The following CNGA3 variants were observed in gnomAD, a reference collection of about 807,000 sequenced individuals.
The protein encoded by CNGA3 is cyclic nucleotide gated channel subunit alpha 3.
CNGA3 carries 42 observed loss-of-function variants against 46.6 expected under a neutral mutation model. The ratio of observed to expected loss-of-function variants is 0.90; its 90% CI spans 0.70 to 1.17. The LOEUF is 1.17. Among genes scored for constraint, CNGA3 ranks in the 50% most tolerant of loss-of-function variants. The probability of loss-of-function intolerance (pLI) is 0.00; values close to 1 mark genes in which losing one functional copy is unlikely to be tolerated. For synonymous variants in CNGA3, 394 were observed against 369.4 expected (o/e 1.07, Z -0.76); for missense variants, 893 against 890.7 (o/e 1.00, Z -0.03).
chr2:98,396,703 G>T lies in CNGA3; in HGVS notation c.1533G>T (p.Lys511Asn). ...TVFSPGDYIC[K>N]KGDIGKEMYI... Reference sequence around the variant, plus strand: ...TCAGCCCTGGGGATTATATCTGCAAGAAGGGAGATATTGGGAAGGAGATGT... The same window carrying T: ...TCAGCCCTGGGGATTATATCTGCAATAAGGGAGATATTGGGAAGGAGATGT... Residue 511 changes from lysine to asparagine, a missense_variant, in exon 8 of 8, where the codon AAG becomes AAT. Physicochemically the swap from Lys to Asn is moderately conservative, Grantham distance 94 (BLOSUM62 0). Transcript: ENST00000272602. 1 of 1,614,214 alleles carries T rather than the reference G, an allele frequency of 6.2e-7. No individual in the cohort carries two copies. Among genetic ancestry groups the T allele is most frequent in the South Asian group, 1.1e-5 (1 of 91,078 alleles).
At chr2:98,375,303 T>C (rs983983771) in intron 2 of CNGA3, among the ~76,000 whole-genome samples, 3 of 152,246 alleles carry the variant, frequency 2.0e-5, no homozygotes, top group Non-Finnish European at 2.9e-5. Flanking sequence ...GCTTGGTGCC[T>C]AGAGCTCCCT....
At chr2:98,372,904 G>C (rs1692319862) in intron 2 of CNGA3, among the ~76,000 whole-genome samples, 1 of 152,124 alleles carries the variant, frequency 6.6e-6, no homozygotes, top group African/African-American at 2.4e-5. Context: ...ACTCCACTCA[G>C]GTCTCGGCCC....
At chr2:98,378,176 A>G (rs1355791808) in intron 3 of CNGA3, 10 of 1,550,524 alleles carry the variant, frequency 6.4e-6, no homozygotes, top group Non-Finnish European at 8.7e-6. Flanking sequence ...TGAGTCTGAA[A>G]TGGCTCTGGC....
At position 98,396,458 on chromosome 2, in the gene CNGA3, A is replaced by C; in HGVS notation, c.1288A>C (p.Thr430Pro). 2.5e-6 allele frequency: 4 copies of C among 1,613,962 alleles called. No homozygotes were observed. The highest frequency in any genetic ancestry group is 3.3e-4 in the Middle Eastern group (2 of 6,062). The change falls in exon 8 of 8, where the codon ACC (threonine) becomes CCC (proline). Residue 430 changes from threonine (T) to proline (P), a missense_variant. This residue lies in a region of CNGA3 where 548 missense variants were observed against 570.8 expected (regional missense o/e 0.96). Transcript: ENST00000272602. ...IKQYMQFRKV[T>P]KDLETRVIRW... ...GCAGTACATGCAGTTCCGCAAGGTC[A>C]CCAAGGACTTGGAGACGCGGGTTAT... is the stretch of plus-strand genomic sequence containing the variant.
chr2:98,378,335 C>A, intron 3 of CNGA3: 2 of 1,077,318 alleles, frequency 1.9e-6, no homozygotes, highest in Non-Finnish European at 2.6e-6. Context: ...CTGAGGAAGT[C>A]ATTTCACCTT....
chr2:98,384,636 T>C (rs986211314), intron 5 of CNGA3, among the ~76,000 whole-genome samples: 5 of 152,236 alleles, frequency 3.3e-5, no homozygotes, highest in African/African-American at 9.6e-5. Context: ...TATAGTGATA[T>C]GTGTTTGACT....
rs1411155736 is a variant in CNGA3, at chr2:98,380,254, C to A, written c.295C>A (p.Pro99Thr). ...CCAGGACCAGGGACCGGACTCTTTT[C>A]CTGATCGTTTCCGTGGAGCCGAGCT... is the stretch of plus-strand genomic sequence containing the variant. ...HHQDQGPDSFPDRFRGAELKE... is the reference protein window; with the variant it reads ...HHQDQGPDSFTDRFRGAELKE... The change falls in exon 4 of 8, where the codon CCT becomes ACT. Residue 99 changes from proline (P) to threonine (T), a missense_variant. Physicochemically the swap from Pro to Thr is conservative, Grantham distance 38. Transcript: ENST00000272602. 3 of 1,614,094 alleles carry A rather than the reference C, an allele frequency of 1.9e-6. No individual in the cohort carries two copies. Among genetic ancestry groups the A allele is most frequent in the Non-Finnish European group, 2.5e-6 (3 of 1,180,054 alleles).
At chr2:98,367,718 C>T (rs994422479) in intron 1 of CNGA3, among the ~76,000 whole-genome samples, 3 of 152,140 alleles carry the variant, frequency 2.0e-5, no homozygotes, top group African/African-American at 4.8e-5. Context: ...TCCTCCCCAC[C>T]CCTTATACCT....
intron 1 of CNGA3, among the ~76,000 whole-genome samples, chr2:98,360,879 T>C (rs1692015773): frequency 6.6e-6 from 1 of 152,148 alleles, no homozygotes; most frequent in South Asian, 2.1e-4. Flanking sequence ...GAGACTCTCA[T>C]GTTAGAATAA....
intron 4 of CNGA3, among the ~76,000 whole-genome samples, chr2:98,382,431 G>A (rs374095647): frequency 6.6e-6 from 1 of 152,114 alleles, no homozygotes; most frequent in Non-Finnish European, 1.5e-5. Flanking sequence ...AGAAACAAGC[G>A]GTTATGGCCA....
Position 98,396,251 on chromosome 2 carries a change from T to G in CNGA3, c.1081T>G (p.Leu361Val). 1 of 1,613,756 alleles carries G rather than the reference T, an allele frequency of 6.2e-7. No homozygotes were observed. The highest frequency in any genetic ancestry group is 8.5e-7 in the Non-Finnish European group (1 of 1,179,750). Reference sequence around the variant, plus strand: ...CATTTACAGTCTCTACTGGTCCACCTTGACCCTTACCACCATTGGTGAGAC... The same window carrying G: ...CATTTACAGTCTCTACTGGTCCACCGTGACCCTTACCACCATTGGTGAGAC... ...KYIYSLYWST[L>V]TLTTIGETPP... Residue 361 changes from leucine to valine, a missense_variant, in exon 8 of 8, where the codon TTG becomes GTG. Leu to Val is a conservative substitution (Grantham distance 32). Transcript: ENST00000272602.
intron 1 of CNGA3, among the ~76,000 whole-genome samples, chr2:98,360,755 G>A (rs933290786): frequency 1.3e-5 from 2 of 152,162 alleles, no homozygotes; most frequent in African/African-American, 2.4e-5. Flanking sequence ...GTCAAATAGG[G>A]TTGAGTCCTA....
Position 98,396,447 on chromosome 2 carries a change from T to G in CNGA3, c.1277T>G (p.Phe426Cys). 1 of 1,613,974 alleles carries G rather than the reference T, an allele frequency of 6.2e-7. No homozygotes were observed. The highest frequency in any genetic ancestry group is 8.5e-7 in the Non-Finnish European group (1 of 1,180,036). The change falls in exon 8 of 8, where the codon TTC (phenylalanine) becomes TGC (cysteine). Residue 426 changes from phenylalanine to cysteine, a missense_variant. Phe to Cys is a radical substitution (Grantham distance 205). Transcript: ENST00000272602. Reference protein sequence around the residue: ...KIDSIKQYMQFRKVTKDLETR... With the variant: ...KIDSIKQYMQCRKVTKDLETR... ...GATTCCATCAAGCAGTACATGCAGT[T>G]CCGCAAGGTCACCAAGGACTTGGAG...
intron 1 of CNGA3, among the ~76,000 whole-genome samples, chr2:98,364,151 G>A (rs957242530): frequency 6.6e-6 from 1 of 152,120 alleles, no homozygotes; most frequent in Non-Finnish European, 1.5e-5. Flanking sequence ...GCCAAGGTGG[G>A]CAGATCACTT....
At chr2:98,352,174 T>C (rs1691782600) in intron 1 of CNGA3, among the ~76,000 whole-genome samples, 1 of 152,234 alleles carries the variant, frequency 6.6e-6, no homozygotes. Context: ...TCACCCATGT[T>C]GTAGCATGTA....
chr2:98,354,809 T>A (rs1435141458), intron 1 of CNGA3, among the ~76,000 whole-genome samples: 4 of 152,124 alleles, frequency 2.6e-5, no homozygotes, highest in Non-Finnish European at 5.9e-5. Context: ...ATGAAAATAG[T>A]TTCTCCCATT....
Position 98,368,229 on chromosome 2 carries a change from A to T in CNGA3, c.-37-1710A>T, listed in dbSNP as rs137956194. On this transcript the variant is annotated intron_variant, in intron 1 of 7. Coordinates refer to ENST00000272602, the MANE Select transcript of CNGA3 (RefSeq NM_001298.3). ...TTGTAACTGGCAGAGGGTTGGCCAAATGTGCATGGCCACACCAATGGCTCC... is the reference window on the plus strand; with the variant it reads ...TTGTAACTGGCAGAGGGTTGGCCAATTGTGCATGGCCACACCAATGGCTCC... Among the ~76,000 whole-genome samples, 64 of 152,354 alleles carry T rather than the reference A, an allele frequency of 4.2e-4. 1 individual carries two copies. The highest frequency in any genetic ancestry group is 1.4e-3 in the African/African-American group (60 of 41,588).
Position 98,369,946 on chromosome 2 carries a change from C to A in CNGA3, c.-30C>A. On this transcript the variant is annotated 5_prime_UTR_variant, in exon 2 of 8. It adds an upstream start codon to the 5' untranslated region. Transcript: ENST00000272602. ...TTTGTGTTCACATTTTAGCAATCATCTGGGGGGCTAAATGTGACAAACCGA... is the reference window on the plus strand; with the variant it reads ...TTTGTGTTCACATTTTAGCAATCATATGGGGGGCTAAATGTGACAAACCGA... 2 of 1,568,202 alleles carry A rather than the reference C, an allele frequency of 1.3e-6. No individual in the cohort carries two copies. The highest frequency in any genetic ancestry group is 1.8e-6 in the Non-Finnish European group (2 of 1,139,884).
At chr2:98,346,682 C>A (rs1240787115) in intron 1 of CNGA3, 148 bp downstream of exon 1, 2 of 389,666 alleles carry the variant, frequency 5.1e-6, no homozygotes, top group East Asian at 7.3e-5. Flanking sequence ...GCGGCGCTGT[C>A]CGCAGCCCCC....
Sources: gnomAD v4.1 joint callset for allele counts (sites outside exome capture counted in the v4.1 genomes callset) on GRCh38, gnomAD v4.1.1 for gene constraint, gnomAD v4.1.1 regional missense constraint, MANE v1.5 for transcripts, NCBI Gene and HGNC (gene_info 2026-07-23, HGNC 2026-07-21) for gene names.